Variants in TNPO1 observed in about 807,000 individuals in gnomAD.
The protein encoded by TNPO1 is transportin-1.
Under a neutral mutation model 119.5 loss-of-function variants are expected in TNPO1, and 8 were observed. That is an observed-to-expected ratio of 0.07 (90% CI 0.04 to 0.12). The LOEUF (loss-of-function observed/expected upper bound fraction) is 0.12. Among genes scored for constraint, TNPO1 ranks in the 10% least tolerant of loss-of-function variants. The pLI is 1.00. For synonymous variants in TNPO1, 362 were observed against 363.0 expected (o/e 1.00, Z 0.03); for missense variants, 576 against 1,089.8 (o/e 0.53, Z 6.64).
intron 1 of TNPO1, among the ~76,000 whole-genome samples, chr5:72,837,991 A>C (rs1161262193): frequency 6.6e-6 from 1 of 152,210 alleles, no homozygotes; most frequent in African/African-American, 2.4e-5. Context: ...GTCTCTTTTC[A>C]TAACTGAGAT....
rs537139608 is a variant in TNPO1, at chr5:72,843,486, C to T, written c.16-4899C>T. On this transcript the variant is annotated intron_variant, in intron 1 of 24. Transcript: ENST00000337273. ...GCACACACCTGTAATCCCAGCTACTCGGGAGGCTGAGGCAGGAGAATTGTT... is the reference window on the plus strand; with the variant it reads ...GCACACACCTGTAATCCCAGCTACTTGGGAGGCTGAGGCAGGAGAATTGTT... Among the ~76,000 whole-genome samples, 9 of 151,272 alleles carry T rather than the reference C, an allele frequency of 5.9e-5. No homozygotes were observed. In the South Asian group the frequency reaches 1.3e-3, roughly 21 times the overall value.
Position 72,888,107 on chromosome 5 carries a change from C to G in TNPO1, c.1333C>G (p.Pro445Ala), listed in dbSNP as rs756271273. 1 of 1,613,932 alleles carries G rather than the reference C, an allele frequency of 6.2e-7. No individual in the cohort carries two copies. ...GCMQGMIPYL[P>A]ELIPHLIQCL... ...CATGCAGGGCATGATTCCATACTTGCCTGAGCTTATTCCTCACCTTATTCA... is the reference window on the plus strand; with the variant it reads ...CATGCAGGGCATGATTCCATACTTGGCTGAGCTTATTCCTCACCTTATTCA... The change falls in exon 13 of 25, where the codon CCT becomes GCT. Residue 445 changes from proline (P) to alanine (A), a missense_variant. Transcript: ENST00000337273.
At chr5:72,885,422 G>A (rs1169834668) in intron 11 of TNPO1, among the ~76,000 whole-genome samples, 1 of 152,284 alleles carries the variant, frequency 6.6e-6, no homozygotes, top group African/African-American at 2.4e-5. Flanking sequence ...ATGGATGGGG[G>A]AACACTTCCT....
intron 6 of TNPO1, among the ~76,000 whole-genome samples, chr5:72,871,493 C>T (rs1471574388): frequency 6.6e-6 from 1 of 152,084 alleles, no homozygotes; most frequent in Non-Finnish European, 1.5e-5. Context: ...GGTTATATTT[C>T]AGAAGAGGAG....
At chr5:72,833,938 T>C (rs1744583242) in intron 1 of TNPO1, among the ~76,000 whole-genome samples, 1 of 152,220 alleles carries the variant, frequency 6.6e-6, no homozygotes. Context: ...TTCCCACTTT[T>C]GGACCATCTC....
At chr5:72,829,002 T>C (rs1744329570) in intron 1 of TNPO1, among the ~76,000 whole-genome samples, 1 of 152,210 alleles carries the variant, frequency 6.6e-6, no homozygotes, top group Admixed American at 6.5e-5. Context: ...TCAGAGTTAT[T>C]GGTACTCATT....
At chr5:72,841,959 A>C (rs548003116) in intron 1 of TNPO1, among the ~76,000 whole-genome samples, 2 of 152,100 alleles carry the variant, frequency 1.3e-5, no homozygotes, top group African/African-American at 4.8e-5. Flanking sequence ...GATTCAGCAA[A>C]TTTCTTAAGC....
At chr5:72,846,414 G>T (rs1025816789) in intron 1 of TNPO1, among the ~76,000 whole-genome samples, 1 of 152,068 alleles carries the variant, frequency 6.6e-6, no homozygotes, top group African/African-American at 2.4e-5. Flanking sequence ...GTTAGTATTA[G>T]TGTAGTATGG....
chr5:72,833,172 A>C (rs1051047388), intron 1 of TNPO1, among the ~76,000 whole-genome samples: 2 of 152,224 alleles, frequency 1.3e-5, no homozygotes, highest in Non-Finnish European at 2.9e-5. Flanking sequence ...TCTTGAAAAT[A>C]AAAGAGCTTA....
intron 2 of TNPO1, 100 bp downstream of exon 2, chr5:72,848,598 T>G: frequency 1.9e-6 from 1 of 524,810 alleles, no homozygotes; most frequent in Non-Finnish European, 2.9e-6. Flanking sequence ...CCTCTGCCCC[T>G]CCCCCATCCT....
rs974629370 is a variant in TNPO1 at position 72,816,849 on chromosome 5, G to C, written c.15+97G>C. 2.8e-6 allele frequency: 4 copies of C among 1,406,628 alleles called. No individual in the cohort carries two copies. The African/African-American group carries it at 4.5e-5, about 16-fold the overall frequency. 87.1% of individuals were successfully genotyped at this position (1,406,628 alleles called of 1,614,324 possible). A position where few individuals can be genotyped will look rare whatever the true frequency, so the allele number is the denominator to read the frequency against. ...GACGCGCCTACGGGAGAGACGCCGG[G>C]CTCGCCCGCTCTCTCGGCGCCTGCC... On this transcript the variant is annotated intron_variant, in intron 1 of 24. Transcript: ENST00000337273.
chr5:72,885,962 C>T (rs1173886563), intron 11 of TNPO1, among the ~76,000 whole-genome samples: 3 of 152,138 alleles, frequency 2.0e-5, no homozygotes, highest in Non-Finnish European at 4.4e-5. Flanking sequence ...GCTCAATTCA[C>T]GCTTATAATA....
intron 1 of TNPO1, among the ~76,000 whole-genome samples, chr5:72,842,167 G>A (rs1452089699): frequency 6.6e-6 from 1 of 152,144 alleles, no homozygotes; most frequent in Non-Finnish European, 1.5e-5. Context: ...TGATGGTGAA[G>A]TGTGATTTTA....
rs1357834518 is a variant in TNPO1, at chr5:72,910,107, A to C, written c.*1434A>C. ...TTTTTTTGTTCAAAGCATGATCTTA[A>C]AGATATGTTTAAGTTAATGGATGTA... On this transcript the variant is annotated 3_prime_UTR_variant, in exon 25 of 25. Coordinates refer to ENST00000337273, the MANE Select transcript of TNPO1 (RefSeq NM_002270.4). 6.6e-6 allele frequency: 1 copy of C among 152,596 alleles called. No homozygotes were observed. Among genetic ancestry groups the C allele is most frequent in the Non-Finnish European group, 1.5e-5 (1 of 68,022 alleles). The allele number at this position is 152,596 out of a possible 1,614,324, so 9.5% of individuals were successfully genotyped here.
chr5:72,890,649 G>A (rs1748976395), intron 14 of TNPO1, among the ~76,000 whole-genome samples: 1 of 152,120 alleles, frequency 6.6e-6, no homozygotes, highest in Non-Finnish European at 1.5e-5. Flanking sequence ...GGCTTTTGTG[G>A]GGGTTTGTTT....
intron 1 of TNPO1, among the ~76,000 whole-genome samples, chr5:72,831,390 T>C (rs1744455601): frequency 6.6e-6 from 1 of 151,920 alleles, no homozygotes; most frequent in African/African-American, 2.4e-5. Flanking sequence ...ATTTGAAAAA[T>C]TAGGAAATTA....
intron 8 of TNPO1, among the ~76,000 whole-genome samples, chr5:72,876,598 A>G (rs940426388): frequency 2.0e-5 from 3 of 152,228 alleles, no homozygotes; most frequent in East Asian, 3.8e-4. Context: ...CTTCATTTTA[A>G]GAAATATATA....
At chr5:72,837,723 T>C (rs1304798428) in intron 1 of TNPO1, among the ~76,000 whole-genome samples, 1 of 152,206 alleles carries the variant, frequency 6.6e-6, no homozygotes, top group Non-Finnish European at 1.5e-5. Context: ...GGGAGTGTAG[T>C]GTGCAGGGAA....
chr5:72,847,217 AGTT>A (rs1468429982), intron 1 of TNPO1, among the ~76,000 whole-genome samples: 1 of 152,238 alleles, frequency 6.6e-6, no homozygotes, highest in Non-Finnish European at 1.5e-5. Context: ...GAAAGGTAGT[AGTT>A]TTTTTAAGCC....
Sources: gnomAD v4.1 joint callset for allele counts (sites outside exome capture counted in the v4.1 genomes callset) on GRCh38, gnomAD v4.1.1 for gene constraint, MANE v1.5 for transcripts, NCBI Gene and HGNC (gene_info 2026-07-23, HGNC 2026-07-21) for gene names.